The following CD58 variants were observed in gnomAD, a reference collection of about 807,000 sequenced individuals.
The protein encoded by CD58 is CD58 molecule.
A neutral mutation model predicts 27.6 loss-of-function variants in CD58; 14 were observed. The ratio of observed to expected loss-of-function variants is 0.51; its 90% CI spans 0.34 to 0.79. The LOEUF (loss-of-function observed/expected upper bound fraction) is 0.79, where lower values mean the gene tolerates loss of function less well. Among genes scored for constraint, CD58 ranks in the 30% least tolerant of loss-of-function variants. The probability of loss-of-function intolerance (pLI) is 0.02; values close to 1 mark genes in which losing one functional copy is unlikely to be tolerated. For synonymous variants in CD58, 117 were observed against 103.8 expected, an observed-to-expected ratio of 1.13 and a Z score of -0.77; for missense variants, 268 against 301.7, an observed-to-expected ratio of 0.89 and a Z score of 0.83.
intron 3 of CD58, among the ~76,000 whole-genome samples, chr1:116,535,415 G>C (rs1657761399): frequency 6.6e-6 from 1 of 152,212 alleles, no homozygotes; most frequent in Non-Finnish European, 1.5e-5. Flanking sequence ...ATAAGTACTA[G>C]TACACAACTT....
rs1657736235 is a variant in CD58 at position 116,534,789 on chromosome 1, C to T, written c.628+1176G>A. Among the ~76,000 whole-genome samples the T allele has an allele frequency of 6.6e-6, 1 of 152,182 alleles. No individual in the cohort carries two copies. Among genetic ancestry groups the T allele is most frequent in the African/African-American group, 2.4e-5 (1 of 41,452 alleles). On this transcript the variant is annotated intron_variant, in intron 3 of 5. Coordinates refer to ENST00000369489, the MANE Select transcript of CD58 (RefSeq NM_001779.3). This position sits in a 1 kb window ranked among gnomAD's most constrained non-coding sequence, Gnocchi z 5.3. ...ATTGTTTGAAAGGGTTCAGAAAAGA[C>T]AATAAATGGGAGACTTAGAATGGCT...
At chr1:116,569,143 A>C (rs918579375) in intron 1 of CD58, among the ~76,000 whole-genome samples, 1 of 152,218 alleles carries the variant, frequency 6.6e-6, no homozygotes, top group Non-Finnish European at 1.5e-5. Flanking sequence ...CAGTGACCCA[A>C]GGTGCCAGGG....
chr1:116,539,239 C>A (rs897093739), intron 2 of CD58, among the ~76,000 whole-genome samples: 33 of 152,238 alleles, frequency 2.2e-4, no homozygotes, highest in African/African-American at 7.9e-4. Flanking sequence ...CGAGGCTCCC[C>A]GGAGGGTATG....
chr1:116,540,384 T>G lies in CD58; in HGVS notation c.364+3927A>C, dbSNP rs553328837. Among the ~76,000 whole-genome samples, 6 of 152,310 alleles carry G rather than the reference T, an allele frequency of 3.9e-5. No individual in the cohort carries two copies. The East Asian group carries it at 9.6e-4, about 24-fold the overall frequency. ...AAAAAAATAGTATGACCAATCATTT[T>G]ATCATGCAGATGTGAAACCTAGAGT... On this transcript the variant is annotated intron_variant, in intron 2 of 5. Transcript: ENST00000369489.
intron 3 of CD58, among the ~76,000 whole-genome samples, chr1:116,529,485 G>A (rs930538744): frequency 2.6e-5 from 4 of 152,148 alleles, no homozygotes; most frequent in African/African-American, 7.2e-5. Context: ...CTCCATCTCT[G>A]AGTCATCTTC....
chr1:116,526,935 G>A (rs1336557110), intron 3 of CD58, among the ~76,000 whole-genome samples: 1 of 152,126 alleles, frequency 6.6e-6, no homozygotes, highest in African/African-American at 2.4e-5. Context: ...CATTTTTGGG[G>A]TGCTAAGGTA....
chr1:116,528,418 G>A lies in CD58; in HGVS notation c.629-6435C>T, dbSNP rs761095486. On this transcript the variant is annotated intron_variant, in intron 3 of 5. Coordinates refer to ENST00000369489, the MANE Select transcript of CD58 (RefSeq NM_001779.3). This position sits in a 1 kb window ranked among gnomAD's most constrained non-coding sequence, Gnocchi z 4.4. ...ACCTTCAGTGACTTACTCCCTGCAG[G>A]TAACATAATGTCCACACAGCTATGA... Among the ~76,000 whole-genome samples the A allele has an allele frequency of 6.6e-6, 1 of 152,058 alleles. No individual in the cohort carries two copies. Among genetic ancestry groups the A allele is most frequent in the Non-Finnish European group, 1.5e-5 (1 of 68,018 alleles).
intron 5 of CD58, 28 bp from the exon 6 acceptor site, chr1:116,514,850 T>G (rs1472295608): frequency 2.3e-5 from 35 of 1,535,258 alleles, no homozygotes; most frequent in Non-Finnish European, 3.1e-5. Flanking sequence ...ATTATTAACT[T>G]GTAAAATGCA....
chr1:116,536,080 G>A lies in CD58; in HGVS notation c.513C>T (p.Thr171=), dbSNP rs765567133. Residue 171 remains threonine, a synonymous_variant, in exon 3 of 6, where the codon ACC becomes ACT. Transcript: ENST00000369489. The surrounding 1 kb of genome is among the most constrained non-coding windows in gnomAD (Gnocchi z 5.4). ...CATTTTCCATCTTAAAATATATACT[G>A]GTTGAGTTACGTTTACATTGCTCCA... is the stretch of plus-strand genomic sequence containing the variant. ...CPMEQCKRNS[T]SIYFKMENDL... 6.2e-6 allele frequency: 10 copies of A among 1,613,486 alleles called. No individual in the cohort carries two copies. In the South Asian group the frequency reaches 9.9e-5, roughly 16 times the overall value.
Position 116,527,180 on chromosome 1 carries a change from C to G in CD58, c.629-5197G>C, listed in dbSNP as rs1657457927. Reference sequence around the variant, plus strand: ...TATAACTTTTATTTCCTTTTCTTGTCTTATGGCATTAGTTAGTGCTTATAG... The same window carrying G: ...TATAACTTTTATTTCCTTTTCTTGTGTTATGGCATTAGTTAGTGCTTATAG... On this transcript the variant is annotated intron_variant, in intron 3 of 5. Coordinates refer to ENST00000369489, the MANE Select transcript of CD58 (RefSeq NM_001779.3). The surrounding 1 kb of genome is among the most constrained non-coding windows in gnomAD (Gnocchi z 4.4). Among the ~76,000 whole-genome samples, 1 of 152,024 alleles carries G rather than the reference C, an allele frequency of 6.6e-6. No homozygotes were observed. The highest frequency in any genetic ancestry group is 2.4e-5 in the African/African-American group (1 of 41,388).
intron 2 of CD58, among the ~76,000 whole-genome samples, chr1:116,542,758 T>G (rs1043129756): frequency 3.3e-5 from 5 of 152,046 alleles, no homozygotes; most frequent in African/African-American, 2.4e-5. Flanking sequence ...AAGTTTAACT[T>G]CAGGTGAGAA....
At chr1:116,533,529 G>A (rs1571067033) in intron 3 of CD58, 2 of 726,770 alleles carry the variant, frequency 2.8e-6, no homozygotes, top group East Asian at 5.5e-5. Flanking sequence ...TATCCTGCAG[G>A]TATTTCAAGA....
intron 1 of CD58, among the ~76,000 whole-genome samples, chr1:116,548,712 C>T (rs1325124265): frequency 1.3e-5 from 2 of 149,982 alleles, no homozygotes; most frequent in Non-Finnish European, 3.0e-5. Flanking sequence ...CCCTAATTGC[C>T]ATGTTGTTCA....
intron 1 of CD58, among the ~76,000 whole-genome samples, chr1:116,549,730 T>C (rs1557841108): frequency 1.3e-5 from 2 of 152,226 alleles, no homozygotes; most frequent in South Asian, 4.1e-4. Context: ...TCCAGTTCTA[T>C]AATCTACATT....
chr1:116,562,266 A>T lies in CD58; in HGVS notation c.70+8637T>A, dbSNP rs141534375. 1.2e-4 allele frequency among the ~76,000 whole-genome samples: 18 copies of T among 152,326 alleles called. No homozygotes were observed. The East Asian group carries it at 3.5e-3, about 29-fold the overall frequency. On this transcript the variant is annotated intron_variant, in intron 1 of 5. Transcript: ENST00000369489. The stretch of plus-strand genomic sequence containing the variant: ...TTATGCAGATAGTTGGCAATAAAGG[A>T]TCTGTAAAATGTCAACAACAGCAGA...
rs1438615619 is a variant in CD58, at chr1:116,541,495, A to G, written c.364+2816T>C. ...GTGACATGATCTGACTTCTGTTTTA[A>G]AAAGATCATTCTGGTAGAACCAATA... On this transcript the variant is annotated intron_variant, in intron 2 of 5. Transcript: ENST00000369489. The surrounding 1 kb of genome is among the most constrained non-coding windows in gnomAD (Gnocchi z 5.3). 1.3e-5 allele frequency among the ~76,000 whole-genome samples: 2 copies of G among 152,216 alleles called. No homozygotes were observed. The highest frequency in any genetic ancestry group is 3.8e-4 in the East Asian group (2 of 5,196).
chr1:116,538,449 G>C lies in CD58; in HGVS notation c.365-2221C>G, dbSNP rs1413970805. Among the ~76,000 whole-genome samples the C allele has an allele frequency of 1.3e-5, 2 of 152,148 alleles. No individual in the cohort carries two copies. The highest frequency in any genetic ancestry group is 1.3e-4 in the Admixed American group (2 of 15,282). ...ATTTCATATACTTATGCCTGCCTCTGTAACTAGGCTGGGCATTTCTCAGGG... is the reference window on the plus strand; with the variant it reads ...ATTTCATATACTTATGCCTGCCTCTCTAACTAGGCTGGGCATTTCTCAGGG... On this transcript the variant is annotated intron_variant, in intron 2 of 5. Coordinates refer to ENST00000369489, the MANE Select transcript of CD58 (RefSeq NM_001779.3). The surrounding 1 kb of genome is among the most constrained non-coding windows in gnomAD (Gnocchi z 4.7).
rs540732991 is a variant in CD58 at position 116,521,285 on chromosome 1, G to A, written c.706+621C>T. Reference sequence around the variant, plus strand: ...GAAGGCTGGTATGGAAACTGCTGTGGCATCAAGAATATCCACTCTTCAGAA... The same window carrying A: ...GAAGGCTGGTATGGAAACTGCTGTGACATCAAGAATATCCACTCTTCAGAA... On this transcript the variant is annotated intron_variant, in intron 4 of 5. Transcript: ENST00000369489. This position sits in a 1 kb window ranked among gnomAD's most constrained non-coding sequence, Gnocchi z 5.6. 6.6e-6 allele frequency among the ~76,000 whole-genome samples: 1 copy of A among 152,178 alleles called. No individual in the cohort carries two copies. Among genetic ancestry groups the A allele is most frequent in the South Asian group, 2.1e-4 (1 of 4,824 alleles).
intron 3 of CD58, among the ~76,000 whole-genome samples, chr1:116,529,409 G>A (rs1403851068): frequency 6.6e-6 from 1 of 152,192 alleles, no homozygotes; most frequent in Non-Finnish European, 1.5e-5. Context: ...ATCTCCCAAT[G>A]CCTTGGAGCT....
Sources: allele counts gnomAD v4.1 joint callset (sites outside exome capture counted in the v4.1 genomes callset), GRCh38; gene constraint gnomAD v4.1.1; non-coding constraint Gnocchi (gnomAD v3.1); transcripts MANE v1.5; gene names NCBI Gene and HGNC (gene_info 2026-07-23, HGNC 2026-07-21).